MEIOB: variants seen among roughly 807,000 people sequenced by gnomAD.
MEIOB encodes meiosis-specific with OB domain-containing protein.
MEIOB carries 50 observed loss-of-function variants against 53.1 expected under a neutral mutation model. That is an observed-to-expected ratio of 0.94 (90% CI 0.75 to 1.19). The LOEUF (loss-of-function observed/expected upper bound fraction) is 1.19. MEIOB is among the 50% of genes most tolerant of loss of function. The pLI is 0.00. For missense variants in MEIOB, 551 were observed against 550.8 expected, an observed-to-expected ratio of 1.00 and a Z score of 0.00; for synonymous variants, 192 against 182.5, an observed-to-expected ratio of 1.05 and a Z score of -0.42.
chr16:1,834,449 A>T (rs1898685427), intron 13 of MEIOB, 83 bp from the exon 14 acceptor site: 1 of 721,388 alleles, frequency 1.4e-6, no homozygotes, highest in African/African-American at 1.8e-5. Flanking sequence ...AATGATCACG[A>T]ATAGAGAACT....
intron 13 of MEIOB, 107 bp from the exon 14 acceptor site, chr16:1,834,473 T>G: frequency 4.9e-6 from 3 of 613,746 alleles, no homozygotes; most frequent in Non-Finnish European, 8.7e-6. Flanking sequence ...ATGAAAGTTT[T>G]GTTTACAGAT....
intron 3 of MEIOB, among the ~76,000 whole-genome samples, chr16:1,864,487 C>A (rs72762901): frequency 8.8e-6 from 1 of 113,300 alleles, no homozygotes; most frequent in Non-Finnish European, 1.8e-5. Context: ...TTTTTCTTTT[C>A]TTTTTTTTTT....
At chr16:1,843,380 C>T (rs1373756670) in intron 10 of MEIOB, 1 of 151,706 alleles carries the variant, frequency 6.6e-6, no homozygotes, top group Non-Finnish European at 1.5e-5. Flanking sequence ...TACTGGGCCT[C>T]AATAATCATC....
At position 1,839,218 on chromosome 16, in the gene MEIOB, G is replaced by A. The variant is rs1231631301; in HGVS notation, c.1218+37C>T. On this transcript the variant is annotated intron_variant, in intron 12 of 13. Transcript: ENST00000325962. ...TTTTTGGGAAAAAGCATTCACTTTG[G>A]AAATATTCTAAACATTTCTTCCTTT... The A allele has an allele frequency of 2.0e-6, 3 of 1,515,142 alleles. No individual in the cohort carries two copies. In the South Asian group the frequency reaches 3.9e-5, roughly 20 times the overall value. The allele number at this position is 1,515,142 out of a possible 1,614,324, so 93.9% of individuals were successfully genotyped here.
rs759894300 is a variant in MEIOB, at chr16:1,851,159, G to GCACT, written c.778+1876_778+1879dup. On this transcript the variant is annotated intron_variant, in intron 9 of 13. Coordinates refer to ENST00000325962, the MANE Select transcript of MEIOB (RefSeq NM_001163560.3). ...TACCCCATCCAGAGCAGAAGCCAGT[G>GCACT]CACTCTAACAGCCTCCGAGGCCTTC... Among the ~76,000 whole-genome samples the GCACT allele has an allele frequency of 1.6e-3, 244 of 152,238 alleles. 2 individuals carry two copies. Among genetic ancestry groups the GCACT allele is most frequent in the Admixed American group, 3.1e-3 (48 of 15,298 alleles).
chr16:1,869,211 G>A (rs189323359), intron 1 of MEIOB, among the ~76,000 whole-genome samples: 10 of 151,770 alleles, frequency 6.6e-5, no homozygotes, highest in Non-Finnish European at 1.3e-4. Flanking sequence ...CACAACATCC[G>A]CCTCCCAGGC....
intron 10 of MEIOB, among the ~76,000 whole-genome samples, chr16:1,842,415 G>A (rs1898933556): frequency 6.8e-6 from 1 of 146,968 alleles, no homozygotes; most frequent in Non-Finnish European, 1.5e-5. Flanking sequence ...GGGAGATCGA[G>A]AGCAGCCTGA....
chr16:1,857,657 A>G, intron 6 of MEIOB, 78 bp downstream of exon 6: 1 of 1,130,324 alleles, frequency 8.8e-7, no homozygotes, highest in Non-Finnish European at 1.3e-6. Flanking sequence ...GATCGTGACC[A>G]CTCCATCCCA....
intron 1 of MEIOB, among the ~76,000 whole-genome samples, chr16:1,871,289 G>T (rs1596990043): frequency 6.8e-6 from 1 of 146,568 alleles, no homozygotes; most frequent in Non-Finnish European, 1.5e-5. Flanking sequence ...GCGCAATCTC[G>T]GCTCACTACA....
At chr16:1,849,945 CAT>C (rs1175936042) in intron 9 of MEIOB, among the ~76,000 whole-genome samples, 1 of 152,164 alleles carries the variant, frequency 6.6e-6, no homozygotes. Context: ...TTCAAAACAA[CAT>C]AGTGTATAAA....
chr16:1,852,906 G>T, intron 9 of MEIOB, 133 bp downstream of exon 9: 1 of 625,332 alleles, frequency 1.6e-6, no homozygotes, highest in Non-Finnish European at 2.7e-6. Context: ...TTTTAAAAAA[G>T]TTATATAAAG....
At chr16:1,868,020 C>T in intron 2 of MEIOB, 87 bp downstream of exon 2, 1 of 714,288 alleles carries the variant, frequency 1.4e-6, no homozygotes, top group Non-Finnish European at 2.4e-6. Flanking sequence ...ATTATAAAAG[C>T]ATGTGTTGAA....
At position 1,841,967 on chromosome 16, in the gene MEIOB, G is replaced by A. The variant is rs752083463; in HGVS notation, c.887C>T (p.Thr296Ile). ...SYFKESINLSTIVDVYTVEQL... is the reference protein window; with the variant it reads ...SYFKESINLSIIVDVYTVEQL... Reference sequence around the variant, plus strand: ...TTCAACTGTGTAGACATCAACTATTGTACTTACTAAAAACAGAAAGAAGTA... The same window carrying A: ...TTCAACTGTGTAGACATCAACTATTATACTTACTAAAAACAGAAAGAAGTA... Residue 296 changes from threonine to isoleucine, a missense_variant, in exon 11 of 14, where the codon ACA (threonine) becomes ATA (isoleucine). Coordinates refer to ENST00000325962, the MANE Select transcript of MEIOB (RefSeq NM_001163560.3). 1 of 1,558,330 alleles carries A rather than the reference G, an allele frequency of 6.4e-7. No homozygotes were observed. The highest frequency in any genetic ancestry group is 1.3e-5 in the South Asian group (1 of 78,724).
intron 10 of MEIOB, among the ~76,000 whole-genome samples, chr16:1,843,770 T>A (rs970469052): frequency 2.0e-4 from 31 of 151,532 alleles, no homozygotes; most frequent in African/African-American, 6.3e-4. Context: ...TTAGTGAGGA[T>A]GTGAAGCAAC....
intron 13 of MEIOB, among the ~76,000 whole-genome samples, chr16:1,837,440 A>C (rs1352132372): frequency 1.9e-4 from 29 of 152,156 alleles, no homozygotes; most frequent in Admixed American, 1.9e-3. Flanking sequence ...TCCTGGGTTC[A>C]GGTGATCCTC....
intron 9 of MEIOB, among the ~76,000 whole-genome samples, chr16:1,851,239 G>A (rs1164879743): frequency 1.3e-5 from 2 of 152,070 alleles, no homozygotes; most frequent in Admixed American, 6.6e-5. Flanking sequence ...TGAACTCCTG[G>A]GCTCCAGCCA....
intron 10 of MEIOB, 114 bp downstream of exon 10, chr16:1,844,748 G>C (rs1399294962): frequency 1.7e-6 from 1 of 581,550 alleles, no homozygotes. Flanking sequence ...TTAGAAAGTA[G>C]AAATATAGTA....
At chr16:1,856,356 G>A (rs1899303973) in intron 6 of MEIOB, among the ~76,000 whole-genome samples, 1 of 150,368 alleles carries the variant, frequency 6.7e-6, no homozygotes, top group Non-Finnish European at 1.5e-5. Context: ...GTCTCGCTCT[G>A]TCGCCCAGGC....
rs377458120 is a variant in MEIOB at position 1,839,318 on chromosome 16, G to A, written c.1155C>T (p.His385=). The change falls in exon 12 of 14, where the codon CAC becomes CAT. Residue 385 remains histidine (H), a synonymous_variant. Transcript: ENST00000325962. The stretch of plus-strand genomic sequence containing the variant: ...GACTACAGGAATGAAGGGTGCCTGT[G>A]TGATCAGTCAGATCAATCAGCACAT... The part of the protein sequence containing the change: ...SFHVLIDLTD[H]TGTLHSCSLT... The A allele has an allele frequency of 1.9e-6, 3 of 1,614,074 alleles. No homozygotes were observed. Among genetic ancestry groups the A allele is most frequent in the African/African-American group, 2.7e-5 (2 of 74,922 alleles).
Sources: gnomAD v4.1 joint callset for allele counts (sites outside exome capture counted in the v4.1 genomes callset) on GRCh38, gnomAD v4.1.1 for gene constraint, MANE v1.5 for transcripts, NCBI Gene and HGNC (gene_info 2026-07-23, HGNC 2026-07-21) for gene names.